The following CNRIP1 variants were observed in gnomAD, a reference collection of about 807,000 sequenced individuals.
CNRIP1 encodes cannabinoid receptor interacting protein 1, also known as CB1 cannabinoid receptor-interacting protein 1.
A neutral mutation model predicts 15.2 loss-of-function variants in CNRIP1; 10 were observed. The ratio of observed to expected loss-of-function variants is 0.66; its 90% CI spans 0.41 to 1.12. The LOEUF (loss-of-function observed/expected upper bound fraction) is 1.12. CNRIP1 is among the 50% of genes most tolerant of loss of function. The pLI, the probability that CNRIP1 is intolerant of heterozygous loss-of-function variation, is 0.00. For synonymous variants in CNRIP1, 91 were observed against 83.2 expected (o/e 1.09, Z -0.51); for missense variants, 211 against 214.7 (o/e 0.98, Z 0.11).
intron 2 of CNRIP1, among the ~76,000 whole-genome samples, chr2:68,301,998 A>G (rs1219601059): frequency 2.6e-5 from 4 of 151,954 alleles, no homozygotes; most frequent in Non-Finnish European, 4.4e-5. Flanking sequence ...TATAAAATTC[A>G]TATTTCATAA....
At chr2:68,297,567 C>CAAAAAAAA (rs112601365) in intron 2 of CNRIP1, among the ~76,000 whole-genome samples, 25 of 98,896 alleles carry the variant, frequency 2.5e-4, no homozygotes, top group Non-Finnish European at 4.5e-4. Context: ...GACACTGTCT[C>CAAAAAAAA]AAAAAAAAAA....
At chr2:68,311,051 TA>T in intron 2 of CNRIP1, among the ~76,000 whole-genome samples, 1 of 152,234 alleles carries the variant, frequency 6.6e-6, no homozygotes, top group Non-Finnish European at 1.5e-5. Flanking sequence ...TATGGGATAA[TA>T]CCAAGCTTTT....
At chr2:68,291,427 A>G (rs1301865569), downstream of CNRIP1, among the ~76,000 whole-genome samples, 2 of 152,120 alleles carry the variant, frequency 1.3e-5, no homozygotes, top group African/African-American at 4.8e-5. Context: ...ACCATCCAGG[A>G]TGTGAGCAGG....
At position 68,319,407 on chromosome 2, in the gene CNRIP1, G is replaced by T. The variant is rs778769533; in HGVS notation, c.-7C>A. 6.4e-7 allele frequency: 1 copy of T among 1,550,972 alleles called. No homozygotes were observed. Among genetic ancestry groups the T allele is most frequent in the Non-Finnish European group, 8.7e-7 (1 of 1,149,914 alleles). On this transcript the variant is annotated 5_prime_UTR_variant, in exon 1 of 3. Transcript: ENST00000263655. ...GGCCCGGCAGGTCCCCCATGTCTGG[G>T]CGAGGGTCTGGCGCGGCGGCTCCGG...
intron 2 of CNRIP1, among the ~76,000 whole-genome samples, chr2:68,315,313 G>A (rs1430267505): frequency 6.6e-6 from 1 of 152,060 alleles, no homozygotes; most frequent in Non-Finnish European, 1.5e-5. Context: ...ATGTAAACAT[G>A]ACAAACTATA....
chr2:68,308,621 G>T (rs1671956382), intron 2 of CNRIP1, among the ~76,000 whole-genome samples: 1 of 151,806 alleles, frequency 6.6e-6, no homozygotes, highest in Non-Finnish European at 1.5e-5. Flanking sequence ...ATTTAAGAAG[G>T]TATTTAGCAT....
intron 2 of CNRIP1, among the ~76,000 whole-genome samples, chr2:68,309,276 T>C (rs948448217): frequency 6.6e-6 from 1 of 152,206 alleles, no homozygotes; most frequent in Non-Finnish European, 1.5e-5. Flanking sequence ...TCTGTAGAAA[T>C]GGATGTTTTC....
At chr2:68,303,029 A>G (rs529185479) in intron 2 of CNRIP1, among the ~76,000 whole-genome samples, 1 of 151,852 alleles carries the variant, frequency 6.6e-6, no homozygotes, top group Non-Finnish European at 1.5e-5. Flanking sequence ...TTGTATTTTT[A>G]GTAGAGACGG....
chr2:68,317,141 C>G lies in CNRIP1; in HGVS notation c.330+16G>C, dbSNP rs571303176. 2 of 1,614,142 alleles carry G rather than the reference C, an allele frequency of 1.2e-6. No homozygotes were observed. The highest frequency in any genetic ancestry group is 8.5e-7 in the Non-Finnish European group (1 of 1,180,014). ...TTCCATGGCACCATACTCCTATACC[C>G]GCAAGCAAGCCTTACCGGCATGGTG... On this transcript the variant is annotated intron_variant, in intron 2 of 2. Coordinates refer to ENST00000263655, the MANE Select transcript of CNRIP1 (RefSeq NM_015463.3).
downstream of CNRIP1, among the ~76,000 whole-genome samples, chr2:68,291,756 G>C (rs1403444621): frequency 2.0e-5 from 3 of 151,882 alleles, no homozygotes; most frequent in East Asian, 5.8e-4. Flanking sequence ...GCACACGCCC[G>C]TAATCCCAGC....
chr2:68,285,928 G>A (rs1006469213), intron 2 of CNRIP1, among the ~76,000 whole-genome samples: 4 of 152,248 alleles, frequency 2.6e-5, no homozygotes, highest in East Asian at 1.9e-4. Context: ...AATCTCCAGG[G>A]AAAGGTGAAA....
chr2:68,310,713 A>T (rs112112883), intron 2 of CNRIP1, among the ~76,000 whole-genome samples: 37 of 30,158 alleles, frequency 1.2e-3, no homozygotes, highest in East Asian at 3.0e-3. Flanking sequence ...GACCCATATT[A>T]AAAAAAAAAA....
intron 1 of CNRIP1, among the ~76,000 whole-genome samples, chr2:68,318,930 G>C (rs552461022): frequency 6.6e-6 from 1 of 152,376 alleles, no homozygotes; most frequent in Non-Finnish European, 1.5e-5. Context: ...CAGAAGGCAG[G>C]AGAAATTTAT....
At chr2:68,299,062 CA>C (rs373038030) in intron 2 of CNRIP1, among the ~76,000 whole-genome samples, 124 of 152,162 alleles carry the variant, frequency 8.1e-4, no homozygotes, top group African/African-American at 2.9e-3. Flanking sequence ...TTATTATCTC[CA>C]GTTTATGGAC....
intron 1 of CNRIP1, among the ~76,000 whole-genome samples, chr2:68,318,486 G>A (rs1457123911): frequency 6.6e-6 from 1 of 152,288 alleles, no homozygotes; most frequent in African/African-American, 2.4e-5. Context: ...TCCAGCGGTC[G>A]CTGGCAAGAA....
At chr2:68,302,571 C>T (rs935858540) in intron 2 of CNRIP1, among the ~76,000 whole-genome samples, 6 of 152,138 alleles carry the variant, frequency 3.9e-5, no homozygotes, top group African/African-American at 1.4e-4. Flanking sequence ...AAGATCATTG[C>T]CATTAATCTA....
intron 2 of CNRIP1, among the ~76,000 whole-genome samples, chr2:68,299,620 T>C (rs946662205): frequency 1.3e-5 from 2 of 152,238 alleles, no homozygotes; most frequent in African/African-American, 4.8e-5. Context: ...ATCTATGGCA[T>C]TTTGTTTTAG....
intron 2 of CNRIP1, chr2:68,284,517 GAA>G: frequency 6.9e-7 from 1 of 1,452,954 alleles, no homozygotes; most frequent in Non-Finnish European, 9.3e-7. Context: ...ATAAGTTTGA[GAA>G]AACCACAGTT....
chr2:68,305,596 C>T (rs1026931318), intron 2 of CNRIP1, among the ~76,000 whole-genome samples: 17 of 149,180 alleles, frequency 1.1e-4, no homozygotes, highest in Non-Finnish European at 1.8e-4. Context: ...GAGATTGAGA[C>T]CATCCTGGCT....
Sources: gnomAD v4.1 joint callset for allele counts (sites outside exome capture counted in the v4.1 genomes callset) on GRCh38, gnomAD v4.1.1 for gene constraint, MANE v1.5 for transcripts, NCBI Gene and HGNC (gene_info 2026-07-23, HGNC 2026-07-21) for gene names.